ADAM22: variants seen among roughly 807,000 people sequenced by gnomAD.
ADAM22 encodes ADAM metallopeptidase domain 22, also known as disintegrin and metalloproteinase domain-containing protein 22.
In ADAM22, 65 loss-of-function variants were observed where a neutral mutation model predicts 144.6. The observed-to-expected ratio is 0.45, with a 90% confidence interval of 0.37 to 0.55. The LOEUF (loss-of-function observed/expected upper bound fraction) is 0.55. Ranked by LOEUF, ADAM22 falls within the 20% of genes least tolerant of loss-of-function variation. The pLI, the probability that ADAM22 is intolerant of heterozygous loss-of-function variation, is 0.00. For synonymous variants in ADAM22, 391 were observed against 412.6 expected, an observed-to-expected ratio of 0.95 and a Z score of 0.63; for missense variants, 974 against 1,184.9, an observed-to-expected ratio of 0.82 and a Z score of 2.61.
At chr7:87,972,259 A>C (rs1356341330) in intron 2 of ADAM22, among the ~76,000 whole-genome samples, 1 of 151,644 alleles carries the variant, frequency 6.6e-6, no homozygotes, top group East Asian at 1.9e-4. Context: ...ATCAATGTAC[A>C]AAAATCACAA....
intron 4 of ADAM22, among the ~76,000 whole-genome samples, chr7:88,081,219 G>A (rs574274251): frequency 3.2e-4 from 49 of 152,060 alleles, no homozygotes; most frequent in Non-Finnish European, 4.0e-4. Context: ...CCAGCATATA[G>A]ACAGAACCAA....
chr7:88,071,302 G>A (rs1368072688), intron 3 of ADAM22, among the ~76,000 whole-genome samples: 1 of 151,886 alleles, frequency 6.6e-6, no homozygotes, highest in Non-Finnish European at 1.5e-5. Context: ...ATATGAGATG[G>A]TGAATAGGGT....
chr7:87,970,882 A>G (rs931060838), intron 2 of ADAM22, among the ~76,000 whole-genome samples: 4 of 152,102 alleles, frequency 2.6e-5, no homozygotes, highest in African/African-American at 9.7e-5. Flanking sequence ...AATTATACTG[A>G]TTTATTAAGA....
chr7:88,149,832 T>A (rs1424192635), intron 18 of ADAM22, among the ~76,000 whole-genome samples: 2 of 152,164 alleles, frequency 1.3e-5, no homozygotes, highest in East Asian at 3.9e-4. Flanking sequence ...AATTAAAGGA[T>A]TTTATTTCTT....
chr7:88,150,938 A>G (rs757127159), intron 18 of ADAM22, 43 bp from the exon 19 acceptor site: 4 of 1,505,886 alleles, frequency 2.7e-6, no homozygotes, highest in Admixed American at 3.4e-5. Flanking sequence ...TCAGCCTTAT[A>G]TTTTGCACTG....
intron 14 of ADAM22, among the ~76,000 whole-genome samples, chr7:88,137,802 G>A (rs1187061366): frequency 6.6e-6 from 1 of 152,066 alleles, no homozygotes; most frequent in African/African-American, 2.4e-5. Context: ...GAACTCGCAG[G>A]ATATGTATAA....
At chr7:88,137,502 T>C (rs1172335444) in intron 14 of ADAM22, among the ~76,000 whole-genome samples, 3 of 152,228 alleles carry the variant, frequency 2.0e-5, no homozygotes, top group African/African-American at 7.2e-5. Flanking sequence ...TTGCTCACCA[T>C]AATTGTACAT....
chr7:88,055,110 T>C (rs1807836716), intron 3 of ADAM22, among the ~76,000 whole-genome samples: 1 of 152,014 alleles, frequency 6.6e-6, no homozygotes, highest in Non-Finnish European at 1.5e-5. Context: ...ATATCAGATA[T>C]ATATATATAT....
At chr7:88,040,683 C>T (rs1215823543) in intron 3 of ADAM22, among the ~76,000 whole-genome samples, 2 of 151,756 alleles carry the variant, frequency 1.3e-5, no homozygotes, top group Non-Finnish European at 2.9e-5. Flanking sequence ...TTATCTCACA[C>T]TTTATGTGGT....
intron 17 of ADAM22, among the ~76,000 whole-genome samples, chr7:88,147,885 C>G (rs1450029166): frequency 6.6e-6 from 1 of 152,116 alleles, no homozygotes; most frequent in East Asian, 1.9e-4. Context: ...TTCTTATTTC[C>G]TTATTTTTAA....
intron 2 of ADAM22, among the ~76,000 whole-genome samples, chr7:87,942,522 G>C (rs1423899057): frequency 6.6e-6 from 1 of 152,150 alleles, no homozygotes; most frequent in African/African-American, 2.4e-5. Flanking sequence ...GCTGGAGTCA[G>C]ATTTCTTACA....
chr7:87,987,758 T>A (rs1235692290), intron 3 of ADAM22, among the ~76,000 whole-genome samples: 1 of 152,230 alleles, frequency 6.6e-6, no homozygotes, highest in Non-Finnish European at 1.5e-5. Flanking sequence ...CTCCTGGTGA[T>A]ACCATCTGCA....
intron 14 of ADAM22, 109 bp downstream of exon 14, chr7:88,136,140 A>G: frequency 3.2e-6 from 3 of 933,324 alleles, no homozygotes; most frequent in Non-Finnish European, 4.5e-6. Flanking sequence ...TAGCACTTAT[A>G]AAATATTTTT....
At chr7:88,029,155 T>C (rs1046451312) in intron 3 of ADAM22, among the ~76,000 whole-genome samples, 1 of 152,076 alleles carries the variant, frequency 6.6e-6, no homozygotes, top group Non-Finnish European at 1.5e-5. Flanking sequence ...TGTTTTATGG[T>C]CTTTTCTTCC....
At chr7:87,949,833 A>G (rs993992260) in intron 2 of ADAM22, among the ~76,000 whole-genome samples, 1 of 149,928 alleles carries the variant, frequency 6.7e-6, no homozygotes, top group African/African-American at 2.4e-5. Flanking sequence ...TTATGTTAAT[A>G]TAAATTTATA....
intron 3 of ADAM22, among the ~76,000 whole-genome samples, chr7:88,032,295 C>G (rs900456865): frequency 3.3e-5 from 5 of 152,168 alleles, no homozygotes; most frequent in Non-Finnish European, 1.5e-5. Context: ...GACTTGGGAG[C>G]CCACTTTTTG....
intron 6 of ADAM22, 90 bp downstream of exon 6, chr7:88,114,737 T>G (rs1827328291): frequency 2.5e-6 from 3 of 1,209,062 alleles, no homozygotes; most frequent in African/African-American, 1.5e-5. Context: ...CTTTATTTCA[T>G]TTTTATATTT....
At chr7:87,936,551 A>G (rs1037108708) in intron 2 of ADAM22, among the ~76,000 whole-genome samples, 13 of 152,182 alleles carry the variant, frequency 8.5e-5, no homozygotes, top group Admixed American at 7.2e-4. Context: ...CCCAGCTCCA[A>G]CAATTAGCAA....
intron 31 of ADAM22, among the ~76,000 whole-genome samples, chr7:88,195,542 G>C (rs976913937): frequency 6.6e-6 from 1 of 152,068 alleles, no homozygotes; most frequent in Non-Finnish European, 1.5e-5. Flanking sequence ...TTGAGATGGA[G>C]TCTCGCTCAG....
Sources: allele counts gnomAD v4.1 joint callset (sites outside exome capture counted in the v4.1 genomes callset), GRCh38; gene constraint gnomAD v4.1.1; transcripts MANE v1.5; gene names NCBI Gene and HGNC (gene_info 2026-07-23, HGNC 2026-07-21).